TYW1B: variants seen among roughly 807,000 people sequenced by gnomAD.
TYW1B encodes S-adenosyl-L-methionine-dependent tRNA 4-demethylwyosine synthase TYW1B.
TYW1B carries 73 observed loss-of-function variants against 86.9 expected under a neutral mutation model. The ratio of observed to expected loss-of-function variants is 0.84; its 90% CI spans 0.70 to 1.02. The LOEUF (loss-of-function observed/expected upper bound fraction) is 1.02, where lower values mean the gene tolerates loss of function less well. TYW1B is among the 50% of genes least tolerant of loss of function. The probability of loss-of-function intolerance (pLI) is 0.00; values close to 1 mark genes in which losing one functional copy is unlikely to be tolerated. For missense variants in TYW1B, 637 were observed against 827.4 expected (o/e 0.77, Z 2.82); for synonymous variants, 248 against 292.8 (o/e 0.85, Z 1.56).
rs1810975160 is a variant in TYW1B, at chr7:72,574,556, G to T, written c.*942C>A. 1.0e-6 allele frequency: 1 copy of T among 980,952 alleles called. No individual in the cohort carries two copies. The highest frequency in any genetic ancestry group is 1.7e-5 in the African/African-American group (1 of 57,216). The allele number at this position is 980,952 out of a possible 1,614,324, so 60.8% of individuals were successfully genotyped here. On this transcript the variant is annotated 3_prime_UTR_variant, in exon 14 of 14. Coordinates refer to ENST00000620995, the MANE Select transcript of TYW1B (RefSeq NM_001145440.3). ...TTATTAATTCAATTTTTGCATAAAAGACTGTTAAAAGAATTTGCTAACTTG... is the reference window on the plus strand; with the variant it reads ...TTATTAATTCAATTTTTGCATAAAATACTGTTAAAAGAATTTGCTAACTTG...
At chr7:72,716,434 C>T (rs1211086856) in intron 9 of TYW1B, among the ~76,000 whole-genome samples, 1 of 152,196 alleles carries the variant, frequency 6.6e-6, no homozygotes, top group East Asian at 1.9e-4. Context: ...GTCACTGTCA[C>T]CTTAACAACA....
At chr7:72,609,452 A>C (rs183483820) in intron 13 of TYW1B, among the ~76,000 whole-genome samples, 1 of 152,076 alleles carries the variant, frequency 6.6e-6, no homozygotes, top group Non-Finnish European at 1.5e-5. Context: ...CCAGCTACTC[A>C]AGAGGCTTAA....
At position 72,730,852 on chromosome 7, in the gene TYW1B, T is replaced by G. The variant is rs782311967; in HGVS notation, c.1083-1921A>C. On this transcript the variant is annotated intron_variant, in intron 8 of 13. Transcript: ENST00000620995. ...AAACAGGTTTTAATGAAATAAAAGC[T>G]GAAAACTTCCCACATTTTGGGAGAG... Among the ~76,000 whole-genome samples the G allele has an allele frequency of 9.4e-5, 14 of 149,596 alleles. No homozygotes were observed. The South Asian group carries it at 1.3e-3, about 13-fold the overall frequency.
intron 11 of TYW1B, among the ~76,000 whole-genome samples, chr7:72,674,888 T>C (rs560624749): frequency 1.1e-4 from 16 of 151,220 alleles, no homozygotes; most frequent in Non-Finnish European, 2.1e-4. Flanking sequence ...TGAGCCACCA[T>C]GGCTGGCTTA....
At chr7:72,600,461 C>T (rs1399797710) in intron 13 of TYW1B, among the ~76,000 whole-genome samples, 1 of 152,004 alleles carries the variant, frequency 6.6e-6, no homozygotes, top group Non-Finnish European at 1.5e-5. Flanking sequence ...TTTTTAGATA[C>T]ACCATCAAAA....
chr7:72,783,471 A>G lies in TYW1B; in HGVS notation c.847-5938T>C, dbSNP rs375234869. The stretch of plus-strand genomic sequence containing the variant: ...ATTAATCTAAACTAATAAAAATCAT[A>G]TCACTGAAAAGGAGTCACGGTAAAA... On this transcript the variant is annotated intron_variant, in intron 6 of 13. Coordinates refer to ENST00000620995, the MANE Select transcript of TYW1B (RefSeq NM_001145440.3). 1.4e-4 allele frequency among the ~76,000 whole-genome samples: 21 copies of G among 152,114 alleles called. No homozygotes were observed. The East Asian group carries it at 1.9e-3, about 14-fold the overall frequency.
intron 9 of TYW1B, among the ~76,000 whole-genome samples, chr7:72,727,296 G>A (rs1391121363): frequency 6.6e-6 from 1 of 152,130 alleles, no homozygotes; most frequent in Non-Finnish European, 1.5e-5. Flanking sequence ...TATTAAAACA[G>A]TCTTGGCTGG....
intron 9 of TYW1B, among the ~76,000 whole-genome samples, chr7:72,717,168 G>A (rs1321852185): frequency 6.6e-6 from 1 of 151,964 alleles, no homozygotes; most frequent in Non-Finnish European, 1.5e-5. Flanking sequence ...AGGCGTGGTG[G>A]TGCATGCTCG....
chr7:72,766,533 G>C (rs1304197005), intron 7 of TYW1B, among the ~76,000 whole-genome samples: 5 of 138,942 alleles, frequency 3.6e-5, no homozygotes, highest in Admixed American at 8.1e-5. Context: ...AGAATCACTT[G>C]AACCCAGAAG....
intron 11 of TYW1B, among the ~76,000 whole-genome samples, chr7:72,643,488 G>A (rs1812853540): frequency 6.6e-6 from 1 of 152,066 alleles, no homozygotes; most frequent in Admixed American, 6.6e-5. Flanking sequence ...TCGGGAGGCT[G>A]AGGCAGGAGA....
intron 1 of TYW1B, among the ~76,000 whole-genome samples, chr7:72,827,418 CG>C: frequency 6.6e-6 from 1 of 151,352 alleles, no homozygotes; most frequent in East Asian, 1.9e-4. Flanking sequence ...GTGGGGGGGG[CG>C]GGGGAATCAA....
chr7:72,700,467 C>G (rs548565802), intron 10 of TYW1B, among the ~76,000 whole-genome samples: 1 of 152,272 alleles, frequency 6.6e-6, no homozygotes, highest in Admixed American at 6.5e-5. Context: ...GCCACCACGC[C>G]TGGACCTTTC....
At chr7:72,814,963 G>A (rs1307482410) in intron 3 of TYW1B, among the ~76,000 whole-genome samples, 4 of 150,862 alleles carry the variant, frequency 2.7e-5, no homozygotes, top group Admixed American at 1.3e-4. Flanking sequence ...CCAGCTACTT[G>A]GGAGGCTGAG....
intron 12 of TYW1B, among the ~76,000 whole-genome samples, chr7:72,622,555 C>T (rs1284337344): frequency 6.6e-6 from 1 of 152,122 alleles, no homozygotes; most frequent in Admixed American, 6.6e-5. Context: ...CCTCTCACCC[C>T]ACATGAGACT....
Position 72,642,806 on chromosome 7 carries a change from C to A in TYW1B, c.1507-13809G>T, listed in dbSNP as rs1329246263. Among the ~76,000 whole-genome samples, 134 of 152,098 alleles carry A rather than the reference C, an allele frequency of 8.8e-4. 11 individuals carry two copies. Among genetic ancestry groups the A allele is most frequent in the Non-Finnish European group, 2.9e-5 (2 of 68,022 alleles). ...GTCCCAGCTACTCAGGAGGCTGAGG[C>A]AGGAGAATCATTTGAACCCGGGAGA... On this transcript the variant is annotated intron_variant, in intron 11 of 13. Transcript: ENST00000620995.
intron 9 of TYW1B, among the ~76,000 whole-genome samples, chr7:72,723,986 A>AG (rs1554458144): frequency 2.7e-5 from 2 of 75,090 alleles, no homozygotes; most frequent in East Asian, 2.5e-4. Flanking sequence ...TTTACTAATT[A>AG]GGGTTTTTTT....
At position 72,694,709 on chromosome 7, in the gene TYW1B, C is replaced by A; in HGVS notation, c.1484G>T (p.Ser495Ile). The A allele has an allele frequency of 6.2e-7, 1 of 1,612,080 alleles. No individual in the cohort carries two copies. Among genetic ancestry groups the A allele is most frequent in the Non-Finnish European group, 8.5e-7 (1 of 1,179,526 alleles). ...FKDFWQQFLD[S>I]LKALAVKQQR... ...TACCTTGACTGCCAAGGCTTTTAAA[C>A]TGTCAAGGAATTGCTGCCAGAAATC... The change falls in exon 11 of 14, where the codon AGT becomes ATT. Residue 495 changes from serine to isoleucine, a missense_variant. Coordinates refer to ENST00000620995, the MANE Select transcript of TYW1B (RefSeq NM_001145440.3).
At chr7:72,605,364 T>G (rs1281860470) in intron 13 of TYW1B, among the ~76,000 whole-genome samples, 36 of 152,082 alleles carry the variant, frequency 2.4e-4, no homozygotes, top group Admixed American at 4.6e-4. Context: ...GTTTTGTTTT[T>G]TTTTTTTGAG....
intron 2 of TYW1B, among the ~76,000 whole-genome samples, chr7:72,821,440 A>G (rs1286822119): frequency 2.0e-5 from 3 of 152,284 alleles, no homozygotes; most frequent in African/African-American, 2.4e-5. Flanking sequence ...GTAGGCAAGA[A>G]TAATTATTTC....
Sources: allele counts gnomAD v4.1 joint callset (sites outside exome capture counted in the v4.1 genomes callset), GRCh38; gene constraint gnomAD v4.1.1; transcripts MANE v1.5; gene names NCBI Gene and HGNC (gene_info 2026-07-23, HGNC 2026-07-21).